Variants in WWP2 observed in about 807,000 individuals in gnomAD.
The protein encoded by WWP2 is WW domain containing E3 ubiquitin protein ligase 2.
WWP2 carries 57 observed loss-of-function variants against 121.0 expected under a neutral mutation model. The ratio of observed to expected loss-of-function variants is 0.47; its 90% CI spans 0.38 to 0.59. WWP2 has a LOEUF of 0.59. Ranked by LOEUF, WWP2 falls within the 20% of genes least tolerant of loss-of-function variation. The pLI is 0.00. For missense variants in WWP2, 962 were observed against 1,158.9 expected, an observed-to-expected ratio of 0.83 and a Z score of 2.47; for synonymous variants, 449 against 441.3, an observed-to-expected ratio of 1.02 and a Z score of -0.22.
At chr16:69,919,571 C>A (rs1177799793) in intron 10 of WWP2, among the ~76,000 whole-genome samples, 3 of 152,180 alleles carry the variant, frequency 2.0e-5, no homozygotes, top group Non-Finnish European at 4.4e-5. Context: ...CCAGTTCCAC[C>A]TGCTGGAGTC....
chr16:69,850,890 C>T (rs190076138), intron 6 of WWP2, among the ~76,000 whole-genome samples: 32 of 152,116 alleles, frequency 2.1e-4, no homozygotes, highest in Non-Finnish European at 2.9e-5. Context: ...AACATATATA[C>T]TCTCTTCCCC....
In WWP2 at chr16:69,808,945, A is replaced by G. The variant is rs773828106; in HGVS notation, c.340+9650A>G. On this transcript the variant is annotated intron_variant, in intron 4 of 23. Transcript: ENST00000359154. ...TGTATGCTTACCTTTAGTAGACACCATCAGTTTTCTAGTGTTGTACCAATT... is the reference window on the plus strand; with the variant it reads ...TGTATGCTTACCTTTAGTAGACACCGTCAGTTTTCTAGTGTTGTACCAATT... 4.2e-4 allele frequency among the ~76,000 whole-genome samples: 64 copies of G among 152,314 alleles called. No homozygotes were observed. The Middle Eastern group carries it at 0.01, about 24-fold the overall frequency.
chr16:69,857,294 C>T (rs2057334924), intron 6 of WWP2, among the ~76,000 whole-genome samples: 1 of 152,156 alleles, frequency 6.6e-6, no homozygotes, highest in South Asian at 2.1e-4. Context: ...TGGGGTTTCA[C>T]CTGTTGGCCA....
intron 10 of WWP2, among the ~76,000 whole-genome samples, chr16:69,920,906 C>A (rs1033760840): frequency 1.6e-4 from 24 of 152,168 alleles, no homozygotes; most frequent in Admixed American, 3.9e-4. Flanking sequence ...TTCCCAGATT[C>A]TGGAGCTCAC....
chr16:69,863,878 T>C (rs577523064), intron 6 of WWP2, among the ~76,000 whole-genome samples: 2 of 152,226 alleles, frequency 1.3e-5, no homozygotes, highest in Non-Finnish European at 2.9e-5. Flanking sequence ...CCTCTGTTGC[T>C]GCATGTACCA....
intron 1 of WWP2, among the ~76,000 whole-genome samples, chr16:69,771,549 C>T (rs919762801): frequency 1.3e-5 from 2 of 152,178 alleles, no homozygotes; most frequent in African/African-American, 4.8e-5. Context: ...GCCTGAAGGA[C>T]TGTAGCTTTG....
intron 7 of WWP2, among the ~76,000 whole-genome samples, chr16:69,887,709 A>G (rs2057950349): frequency 6.6e-6 from 1 of 152,138 alleles, no homozygotes; most frequent in Non-Finnish European, 1.5e-5. Flanking sequence ...CCTGGCCCCA[A>G]CACATTCCTG....
At chr16:69,850,010 A>G (rs2057172549) in intron 6 of WWP2, among the ~76,000 whole-genome samples, 1 of 152,196 alleles carries the variant, frequency 6.6e-6, no homozygotes, top group South Asian at 2.1e-4. Context: ...AACTAGGAGG[A>G]AGGAAGGCAA....
At chr16:69,803,400 C>T (rs1246304282) in intron 4 of WWP2, among the ~76,000 whole-genome samples, 2 of 151,586 alleles carry the variant, frequency 1.3e-5, no homozygotes, top group Non-Finnish European at 2.9e-5. Flanking sequence ...ATTACTGTAT[C>T]GTTATCACAT....
At chr16:69,772,967 A>C (rs2055447769) in intron 1 of WWP2, among the ~76,000 whole-genome samples, 1 of 151,264 alleles carries the variant, frequency 6.6e-6, no homozygotes, top group Admixed American at 6.6e-5. Context: ...GTGGGTTTTC[A>C]CCTTTTTGTA....
At chr16:69,787,658 A>G (rs548063582) in intron 2 of WWP2, among the ~76,000 whole-genome samples, 37 of 152,314 alleles carry the variant, frequency 2.4e-4, no homozygotes, top group African/African-American at 8.4e-4. Context: ...GCTCGTTGCT[A>G]CCTGCACTCG....
intron 4 of WWP2, among the ~76,000 whole-genome samples, chr16:69,834,418 C>T (rs907393581): frequency 1.3e-5 from 2 of 152,106 alleles, no homozygotes; most frequent in African/African-American, 4.8e-5. Flanking sequence ...TTCTTCTCTA[C>T]CCCACATCCT....
chr16:69,889,146 TACACACACACAC>T (rs143311481), intron 8 of WWP2, among the ~76,000 whole-genome samples: 2 of 146,144 alleles, frequency 1.4e-5, no homozygotes, highest in Non-Finnish European at 3.0e-5. Flanking sequence ...ATATCCTGCC[TACACACACACAC>T]ACACACACAC....
At chr16:69,851,008 A>ATTT (rs35175050) in intron 6 of WWP2, among the ~76,000 whole-genome samples, 4 of 109,580 alleles carry the variant, frequency 3.7e-5, no homozygotes, top group South Asian at 3.3e-4. Flanking sequence ...TCACTCTTTA[A>ATTT]TTTTTTTTTT....
intron 6 of WWP2, among the ~76,000 whole-genome samples, chr16:69,850,930 A>G (rs1179141318): frequency 6.6e-6 from 1 of 151,612 alleles, no homozygotes; most frequent in Non-Finnish European, 1.5e-5. Flanking sequence ...AGAGTGGTAC[A>G]TTTGTTAGAA....
At chr16:69,901,496 T>C (rs1343144595) in intron 8 of WWP2, among the ~76,000 whole-genome samples, 2 of 152,128 alleles carry the variant, frequency 1.3e-5, no homozygotes, top group African/African-American at 2.4e-5. Flanking sequence ...CATTGCAAGC[T>C]CTGCCTCCCG....
At chr16:69,872,098 TTC>T (rs929608499) in intron 7 of WWP2, among the ~76,000 whole-genome samples, 167 bp downstream of exon 7, 49 of 152,358 alleles carry the variant, frequency 3.2e-4, no homozygotes, top group African/African-American at 1.1e-3. Flanking sequence ...ACCCATCTTC[TTC>T]TCTCTCTGGC....
intron 7 of WWP2, among the ~76,000 whole-genome samples, chr16:69,879,376 TC>T (rs941164561): frequency 1.3e-5 from 2 of 151,878 alleles, no homozygotes; most frequent in Admixed American, 6.6e-5. Context: ...CAATAACATT[TC>T]CCCCCAACCT....
intron 8 of WWP2, chr16:69,890,648 C>G (rs1048477432): frequency 1.3e-5 from 2 of 152,102 alleles, no homozygotes; most frequent in African/African-American, 4.8e-5. Context: ...CCTGGAAGGC[C>G]GGCCTCACTC....
Sources: allele counts gnomAD v4.1 joint callset (sites outside exome capture counted in the v4.1 genomes callset), GRCh38; gene constraint gnomAD v4.1.1; transcripts MANE v1.5; gene names NCBI Gene and HGNC (gene_info 2026-07-23, HGNC 2026-07-21).